Variants in ATP6V1B1 observed in about 807,000 individuals in gnomAD.
ATP6V1B1 encodes the protein V-type proton ATPase subunit B, kidney isoform.
ATP6V1B1 carries 41 observed loss-of-function variants against 62.1 expected under a neutral mutation model. The ratio of observed to expected loss-of-function variants is 0.66; its 90% CI spans 0.51 to 0.86. The LOEUF (loss-of-function observed/expected upper bound fraction) is 0.86, where lower values mean the gene tolerates loss of function less well. Among genes scored for constraint, ATP6V1B1 ranks in the 40% least tolerant of loss-of-function variants. ATP6V1B1 has a pLI of 0.00. For missense variants in ATP6V1B1, 651 were observed against 697.5 expected, an observed-to-expected ratio of 0.93 and a Z score of 0.75; for synonymous variants, 253 against 273.4, an observed-to-expected ratio of 0.93 and a Z score of 0.74.
At chr2:70,962,234 G>A (rs1680603970) in intron 8 of ATP6V1B1, among the ~76,000 whole-genome samples, 1 of 152,126 alleles carries the variant, frequency 6.6e-6, no homozygotes, top group Non-Finnish European at 1.5e-5. Context: ...ACTTCACGTG[G>A]GAAGGGTTCA....
At chr2:70,958,846 C>A (rs1680510399) in intron 4 of ATP6V1B1, among the ~76,000 whole-genome samples, 172 bp from the exon 5 acceptor site, 1 of 152,134 alleles carries the variant, frequency 6.6e-6, no homozygotes, top group Non-Finnish European at 1.5e-5. Context: ...AAGACTCTCA[C>A]AGGACAGTCC....
At chr2:70,961,499 G>A in intron 7 of ATP6V1B1, 97 bp from the exon 8 acceptor site, 1 of 1,272,636 alleles carries the variant, frequency 7.9e-7, no homozygotes, top group Non-Finnish European at 1.1e-6. Context: ...CTGGTAGCTG[G>A]TCAGTCCACA....
intron 11 of ATP6V1B1, chr2:70,964,055 C>T: frequency 2.4e-6 from 1 of 408,684 alleles, no homozygotes; most frequent in Non-Finnish European, 4.5e-6. Context: ...TAACACACAT[C>T]TGTCCTGTGT....
At chr2:70,936,857 G>A (rs1679865465) in intron 1 of ATP6V1B1, among the ~76,000 whole-genome samples, 1 of 152,144 alleles carries the variant, frequency 6.6e-6, no homozygotes, top group African/African-American at 2.4e-5. Context: ...GTGTCTACAG[G>A]TGCTGGGATG....
In ATP6V1B1 at chr2:70,959,874, A is replaced by T; in HGVS notation, c.446-65A>T. On this transcript the variant is annotated intron_variant, in intron 5 of 13. Coordinates refer to ENST00000234396, the MANE Select transcript of ATP6V1B1 (RefSeq NM_001692.4). This position sits in a 1 kb window ranked among gnomAD's most constrained non-coding sequence, Gnocchi z 4.2. ...CAGGGCGGCTCTGGAGTCTGGGGTCAGTGTCGAGGAGAGCAGGGAAGGGTT... is the reference window on the plus strand; with the variant it reads ...CAGGGCGGCTCTGGAGTCTGGGGTCTGTGTCGAGGAGAGCAGGGAAGGGTT... 1 of 1,613,112 alleles carries T rather than the reference A, an allele frequency of 6.2e-7. No homozygotes were observed. Among genetic ancestry groups the T allele is most frequent in the Non-Finnish European group, 8.5e-7 (1 of 1,179,542 alleles).
intron 1 of ATP6V1B1, among the ~76,000 whole-genome samples, chr2:70,938,039 G>A (rs1679900381): frequency 6.6e-6 from 1 of 152,164 alleles, no homozygotes; most frequent in Non-Finnish European, 1.5e-5. Flanking sequence ...GGTCAGTGCA[G>A]GGGAGCCCCT....
In ATP6V1B1 at chr2:70,963,200, G is replaced by T; in HGVS notation, c.948G>T (p.Gly316=). The change falls in exon 10 of 14, where the codon GGG becomes GGT. Residue 316 remains glycine (G), a synonymous_variant. Coordinates refer to ENST00000234396, the MANE Select transcript of ATP6V1B1 (RefSeq NM_001692.4). This position sits in a 1 kb window ranked among gnomAD's most constrained non-coding sequence, Gnocchi z 4.3. Reference sequence around the variant, plus strand: ...GAGAGGAGGTGCCTGGGCGCCGAGGGTTTCCTGGATATATGTACACAGACC... The same window carrying T: ...GAGAGGAGGTGCCTGGGCGCCGAGGTTTTCCTGGATATATGTACACAGACC... ...AAREEVPGRR[G]FPGYMYTDLA... 6.2e-7 allele frequency: 1 copy of T among 1,614,106 alleles called. No individual in the cohort carries two copies. The highest frequency in any genetic ancestry group is 8.5e-7 in the Non-Finnish European group (1 of 1,180,032).
intron 2 of ATP6V1B1, among the ~76,000 whole-genome samples, chr2:70,944,400 C>A (rs1553416959): frequency 6.6e-6 from 1 of 151,952 alleles, no homozygotes; most frequent in Non-Finnish European, 1.5e-5. Flanking sequence ...CACCAACCAG[C>A]CCCACTCCCT....
At chr2:70,951,086 G>A (rs1254978285) in intron 2 of ATP6V1B1, among the ~76,000 whole-genome samples, 1 of 151,660 alleles carries the variant, frequency 6.6e-6, no homozygotes, top group Non-Finnish European at 1.5e-5. Context: ...GAGATTACAG[G>A]CGCCCTCTAC....
chr2:70,961,087 C>A, intron 7 of ATP6V1B1, 65 bp downstream of exon 7: 2 of 1,497,804 alleles, frequency 1.3e-6, no homozygotes, highest in Non-Finnish European at 1.8e-6. Context: ...CTCCCTCAGC[C>A]CCTGGCATGA....
chr2:70,945,721 T>TATAG (rs1312909026), intron 2 of ATP6V1B1, among the ~76,000 whole-genome samples: 2 of 134,450 alleles, frequency 1.5e-5, no homozygotes, highest in African/African-American at 5.6e-5. Context: ...TATATATATA[T>TATAG]ATATATATAT....
intron 8 of ATP6V1B1, among the ~76,000 whole-genome samples, chr2:70,962,520 C>G (rs1166630263): frequency 6.6e-6 from 1 of 152,190 alleles, no homozygotes; most frequent in Non-Finnish European, 1.5e-5. Flanking sequence ...CCTGGCTTTT[C>G]CCACCCAACT....
Position 70,962,921 on chromosome 2 carries a change from T to C in ATP6V1B1, c.909+21T>C, listed in dbSNP as rs6758197. 3.8e-3 allele frequency: 6,180 copies of C among 1,613,316 alleles called. 224 individuals are homozygous for C. In the African/African-American group the frequency reaches 0.073, roughly 19 times the overall value. ...GGGAGGTAAGCTGGCTAGCAAGGGG[T>C]GTCAGATTCCTCCCTACCCCTCCCT... is the stretch of plus-strand genomic sequence containing the variant. On this transcript the variant is annotated intron_variant, in intron 9 of 13. Coordinates refer to ENST00000234396, the MANE Select transcript of ATP6V1B1 (RefSeq NM_001692.4).
At chr2:70,947,389 C>G (rs1265257524) in intron 2 of ATP6V1B1, 1 of 152,086 alleles carries the variant, frequency 6.6e-6, no homozygotes, top group African/African-American at 2.4e-5. Context: ...GGTAGGAGGC[C>G]CAAGAATGTA....
intron 2 of ATP6V1B1, among the ~76,000 whole-genome samples, chr2:70,949,764 C>T (rs1442044237): frequency 1.2e-4 from 18 of 152,152 alleles, no homozygotes; most frequent in African/African-American, 3.9e-4. Context: ...ACGGGAGCTC[C>T]TTGTTTATTG....
At chr2:70,936,111 G>C (rs782643928) in intron 1 of ATP6V1B1, 39 bp downstream of exon 1, 9 of 1,601,438 alleles carry the variant, frequency 5.6e-6, no homozygotes, top group Non-Finnish European at 7.7e-6. Flanking sequence ...AGGTCAGGGT[G>C]GGGAGCTGGG....
chr2:70,965,130 G>A lies in ATP6V1B1; in HGVS notation c.*9G>A. 2 of 1,607,216 alleles carry A rather than the reference G, an allele frequency of 1.2e-6. No homozygotes were observed. The highest frequency in any genetic ancestry group is 1.7e-6 in the Non-Finnish European group (2 of 1,179,816). On this transcript the variant is annotated 3_prime_UTR_variant, in exon 14 of 14. Transcript: ENST00000234396. Reference sequence around the variant, plus strand: ...CTGACACTGCGCTCTAGCCCCGCGCGCCGTGGCACCCCAACACCGGCAGGG... The same window carrying A: ...CTGACACTGCGCTCTAGCCCCGCGCACCGTGGCACCCCAACACCGGCAGGG...
intron 13 of ATP6V1B1, 37 bp from the exon 14 acceptor site, chr2:70,964,921 C>T: frequency 6.2e-7 from 1 of 1,614,040 alleles, no homozygotes; most frequent in South Asian, 1.1e-5. Flanking sequence ...TTCCGCCCCA[C>T]ACACATTCCT....
Position 70,958,101 on chromosome 2 carries a change from G to A in ATP6V1B1, c.230G>A (p.Ser77Asn), listed in dbSNP as rs1166216804. ...HFTLPDGTQR[S>N]GQVLEVAGTK... ...ACCCTCCCAGATGGGACTCAGAGGA[G>A]CGGGCAGGTGCTTGAGGTGGCTGGC... The change falls in exon 3 of 14, where the codon AGC (serine) becomes AAC (asparagine). Residue 77 changes from serine to asparagine, a missense_variant. Ser to Asn is a conservative substitution (Grantham distance 46, BLOSUM62 1). Coordinates refer to ENST00000234396, the MANE Select transcript of ATP6V1B1 (RefSeq NM_001692.4). 2.5e-6 allele frequency: 4 copies of A among 1,614,092 alleles called. No homozygotes were observed. In the East Asian group the frequency reaches 6.7e-5, roughly 27 times the overall value.
Sources: allele counts gnomAD v4.1 joint callset (sites outside exome capture counted in the v4.1 genomes callset), GRCh38; gene constraint gnomAD v4.1.1; non-coding constraint Gnocchi (gnomAD v3.1); transcripts MANE v1.5; gene names NCBI Gene and HGNC (gene_info 2026-07-23, HGNC 2026-07-21).